Variants in AGPS observed in about 807,000 individuals in gnomAD.
AGPS encodes alkyldihydroxyacetonephosphate synthase, peroxisomal.
A neutral mutation model predicts 90.7 loss-of-function variants in AGPS; 26 were observed. That is an observed-to-expected ratio of 0.29 (90% confidence interval 0.21 to 0.40). The LOEUF is 0.40. AGPS is among the 10% of genes least tolerant of loss of function. AGPS has a pLI of 1.00. For missense variants in AGPS, 540 were observed against 816.1 expected, an observed-to-expected ratio of 0.66 and a Z score of 4.12; for synonymous variants, 294 against 285.3, an observed-to-expected ratio of 1.03 and a Z score of -0.31.
intron 18 of AGPS, among the ~76,000 whole-genome samples, chr2:177,522,073 T>C (rs767067014): frequency 5.9e-5 from 9 of 152,124 alleles, no homozygotes; most frequent in Admixed American, 2.6e-4. Context: ...CTCCTATGCC[T>C]CCTCTTTTTT....
rs1686428397 is a variant in AGPS, at chr2:177,436,904, C to T, written c.562+20C>T. The T allele has an allele frequency of 1.2e-6, 2 of 1,611,288 alleles. No individual in the cohort carries two copies. The highest frequency in any genetic ancestry group is 1.7e-5 in the Admixed American group (1 of 59,938). ...CTCATGGTAAGTTACTTTATATTAG[C>T]CCTATTTATTTTTAACAAAAAAATT... On this transcript the variant is annotated intron_variant, in intron 4 of 19. Transcript: ENST00000264167.
intron 1 of AGPS, among the ~76,000 whole-genome samples, chr2:177,412,810 C>T (rs1056687559): frequency 1.3e-5 from 2 of 152,090 alleles, no homozygotes; most frequent in African/African-American, 4.8e-5. Context: ...TATTAGAAGC[C>T]ATGGGTCATG....
At chr2:177,474,615 G>C (rs115761885) in intron 10 of AGPS, among the ~76,000 whole-genome samples, 1 of 152,160 alleles carries the variant, frequency 6.6e-6, no homozygotes. Context: ...CTTGTGGAGC[G>C]GGTTAGAGAT....
rs2079203783 is a variant in AGPS at position 177,538,534 on chromosome 2, G to A, written c.*339G>A. On this transcript the variant is annotated 3_prime_UTR_variant, in exon 20 of 20. Transcript: ENST00000264167. ...CTCTTGGGGAACAAAGACAGATTTGGTATCATTGATTGCTCAGCTAGCCTC... is the reference window on the plus strand; with the variant it reads ...CTCTTGGGGAACAAAGACAGATTTGATATCATTGATTGCTCAGCTAGCCTC... 1 of 332,802 alleles carries A rather than the reference G, an allele frequency of 3.0e-6. No individual in the cohort carries two copies. The highest frequency in any genetic ancestry group is 5.7e-6 in the Non-Finnish European group (1 of 176,226). The allele number at this position is 332,802 out of a possible 1,614,324, so 20.6% of individuals were successfully genotyped here. A position where few individuals can be genotyped will look rare whatever the true frequency, so the allele number is the denominator to read the frequency against.
intron 11 of AGPS, among the ~76,000 whole-genome samples, chr2:177,482,558 T>C (rs555445152): frequency 2.0e-5 from 3 of 152,028 alleles, no homozygotes; most frequent in Admixed American, 6.6e-5. Flanking sequence ...TGAAGTGATA[T>C]TTAATTTAAA....
chr2:177,452,111 A>G (rs1289492575), intron 8 of AGPS, among the ~76,000 whole-genome samples: 1 of 152,162 alleles, frequency 6.6e-6, no homozygotes, highest in East Asian at 1.9e-4. Context: ...AGTACAGCCT[A>G]TTTTTAAAAT....
chr2:177,440,032 TA>T (rs1446036343), intron 5 of AGPS, among the ~76,000 whole-genome samples: 1 of 152,138 alleles, frequency 6.6e-6, no homozygotes, highest in African/African-American at 2.4e-5. Flanking sequence ...TGCAATATTG[TA>T]AACATTTGTT....
intron 11 of AGPS, among the ~76,000 whole-genome samples, 165 bp downstream of exon 11, chr2:177,482,351 G>T (rs1687970983): frequency 6.6e-6 from 1 of 151,942 alleles, no homozygotes; most frequent in South Asian, 2.1e-4. Context: ...AGGTAGTGTT[G>T]TACAGTCATC....
rs192876375 is a variant in AGPS at position 177,501,888 on chromosome 2, G to A, written c.1475+2158G>A. On this transcript the variant is annotated intron_variant, in intron 14 of 19. Transcript: ENST00000264167. The stretch of plus-strand genomic sequence containing the variant: ...TCACCATGTTGGTCAGGCTGGTCTC[G>A]AACTCCTGACCTCGTGGTCCACCCG... Among the ~76,000 whole-genome samples, 614 of 152,152 alleles carry A rather than the reference G, an allele frequency of 4.0e-3. 6 individuals are homozygous for A. The highest frequency in any genetic ancestry group is 0.033 in the East Asian group (168 of 5,168).
intron 11 of AGPS, among the ~76,000 whole-genome samples, chr2:177,490,659 G>C (rs947064661): frequency 6.6e-6 from 1 of 151,890 alleles, no homozygotes; most frequent in African/African-American, 2.4e-5. Flanking sequence ...TACAGCAGTT[G>C]CCCAGGAGCT....
chr2:177,498,755 CTG>C lies in AGPS; in HGVS notation c.1363-860_1363-859del, dbSNP rs199754283. ...GGTTGTGGCAGCACCATTAATTAAT[CTG>C]TGCTTCTCATACATTGATTTGCTAT... On this transcript the variant is annotated intron_variant, in intron 13 of 19. Transcript: ENST00000264167. Among the ~76,000 whole-genome samples, 1,322 of 151,898 alleles carry C rather than the reference CTG, an allele frequency of 8.7e-3. 9 individuals are homozygous for C. The highest frequency in any genetic ancestry group is 0.012 in the Non-Finnish European group (838 of 67,726).
At chr2:177,481,475 A>T (rs972713243) in intron 10 of AGPS, among the ~76,000 whole-genome samples, 4 of 151,458 alleles carry the variant, frequency 2.6e-5, no homozygotes, top group Admixed American at 2.6e-4. Flanking sequence ...CTTATGTTAG[A>T]TATTTATAAT....
intron 1 of AGPS, among the ~76,000 whole-genome samples, chr2:177,413,624 G>T (rs145722673): frequency 2.8e-4 from 43 of 152,330 alleles, no homozygotes; most frequent in African/African-American, 9.9e-4. Context: ...GAACACAAGA[G>T]TCCAAGTGAA....
intron 19 of AGPS, among the ~76,000 whole-genome samples, chr2:177,529,457 G>A (rs1574036178): frequency 1.3e-5 from 2 of 152,112 alleles, no homozygotes; most frequent in South Asian, 4.1e-4. Flanking sequence ...GTGATAGAGA[G>A]TAAGATCCTG....
intron 8 of AGPS, among the ~76,000 whole-genome samples, chr2:177,456,344 C>G (rs1472088191): frequency 6.6e-6 from 1 of 152,192 alleles, no homozygotes; most frequent in Non-Finnish European, 1.5e-5. Context: ...TTATTAAGCA[C>G]TTACTATGCA....
intron 10 of AGPS, among the ~76,000 whole-genome samples, chr2:177,480,697 G>A (rs1687918993): frequency 6.6e-6 from 1 of 151,674 alleles, no homozygotes; most frequent in Non-Finnish European, 1.5e-5. Flanking sequence ...TGCACGTTGT[G>A]CACATGTACC....
At chr2:177,419,143 A>G (rs530846865) in intron 1 of AGPS, among the ~76,000 whole-genome samples, 11 of 152,020 alleles carry the variant, frequency 7.2e-5, no homozygotes, top group Non-Finnish European at 1.3e-4. Context: ...TATCTGGCTT[A>G]GTTGTATTAT....
intron 1 of AGPS, among the ~76,000 whole-genome samples, chr2:177,412,513 C>G (rs1425766926): frequency 6.6e-6 from 1 of 152,180 alleles, no homozygotes; most frequent in African/African-American, 2.4e-5. Flanking sequence ...AGTCTTAAGT[C>G]TGGCAGCCAC....
At chr2:177,470,656 A>G (rs1303623652) in intron 10 of AGPS, among the ~76,000 whole-genome samples, 5 of 147,108 alleles carry the variant, frequency 3.4e-5, no homozygotes, top group African/African-American at 1.3e-4. Context: ...GACTGCAGTG[A>G]GCCTAGATTA....
Sources: gnomAD v4.1 joint callset for allele counts (sites outside exome capture counted in the v4.1 genomes callset) on GRCh38, gnomAD v4.1.1 for gene constraint, MANE v1.5 for transcripts, NCBI Gene and HGNC (gene_info 2026-07-23, HGNC 2026-07-21) for gene names.